The following COBL variants were observed in gnomAD, a reference collection of about 807,000 sequenced individuals.
COBL encodes the protein protein cordon-bleu.
COBL carries 51 observed loss-of-function variants against 98.8 expected under a neutral mutation model. That is an observed-to-expected ratio of 0.52 (90% CI 0.41 to 0.65). The LOEUF (loss-of-function observed/expected upper bound fraction) is 0.65. Among genes scored for constraint, COBL ranks in the 30% least tolerant of loss-of-function variants. The probability of loss-of-function intolerance (pLI) is 0.00; values close to 1 mark genes in which losing one functional copy is unlikely to be tolerated. For synonymous variants in COBL, 634 were observed against 651.7 expected (o/e 0.97, Z 0.41); for missense variants, 1,617 against 1,617.5 (o/e 1.00, Z 0.01).
intron 8 of COBL, among the ~76,000 whole-genome samples, chr7:51,037,830 A>T (rs2128881759): frequency 6.6e-6 from 1 of 152,374 alleles, no homozygotes; most frequent in African/African-American, 2.4e-5. Context: ...TTCAAATTGC[A>T]GCAGCACATA....
intron 8 of COBL, among the ~76,000 whole-genome samples, chr7:51,041,693 A>G (rs1789216286): frequency 6.6e-6 from 1 of 152,018 alleles, no homozygotes; most frequent in Non-Finnish European, 1.5e-5. Context: ...CATGTTGGCC[A>G]GGCAGGTCTT....
chr7:51,211,114 G>A (rs769920634), intron 2 of COBL, among the ~76,000 whole-genome samples: 6 of 152,186 alleles, frequency 3.9e-5, no homozygotes, highest in Non-Finnish European at 8.8e-5. Flanking sequence ...CTGTGCCACT[G>A]GGCCATGGGC....
intron 5 of COBL, among the ~76,000 whole-genome samples, chr7:51,146,789 T>C (rs900405247): frequency 6.6e-6 from 1 of 152,080 alleles, no homozygotes; most frequent in Non-Finnish European, 1.5e-5. Flanking sequence ...ATACGGGATA[T>C]TCCCTCACTT....
intron 7 of COBL, among the ~76,000 whole-genome samples, chr7:51,044,149 T>C (rs1318111822): frequency 6.6e-6 from 1 of 152,234 alleles, no homozygotes; most frequent in Non-Finnish European, 1.5e-5. Context: ...GTGTATTTCA[T>C]ATTTGAAATC....
At chr7:51,168,304 T>TA (rs1787520174) in intron 5 of COBL, among the ~76,000 whole-genome samples, 1 of 151,986 alleles carries the variant, frequency 6.6e-6, no homozygotes, top group Non-Finnish European at 1.5e-5. Context: ...GGCATGCTGG[T>TA]ACATGCCTGT....
intron 2 of COBL, among the ~76,000 whole-genome samples, chr7:51,195,825 G>A (rs1790537058): frequency 6.6e-6 from 1 of 152,146 alleles, no homozygotes; most frequent in Admixed American, 6.5e-5. Context: ...AGGAATGCTA[G>A]GGGTTTTTGT....
chr7:51,285,557 T>C (rs1035101786), intron 1 of COBL, among the ~76,000 whole-genome samples: 3 of 152,208 alleles, frequency 2.0e-5, no homozygotes, highest in Non-Finnish European at 4.4e-5. Flanking sequence ...TATTTAGGTA[T>C]AAGTCTAGTT....
chr7:51,048,151 GC>G (rs2128894068), intron 7 of COBL, among the ~76,000 whole-genome samples: 1 of 152,226 alleles, frequency 6.6e-6, no homozygotes, highest in African/African-American at 2.4e-5. Context: ...GGGCGACAGA[GC>G]AAGACTCCAT....
chr7:51,316,677 G>C lies in COBL; in HGVS notation c.-44C>G. 8.5e-7 allele frequency: 1 copy of C among 1,183,142 alleles called. No homozygotes were observed. Among genetic ancestry groups the C allele is most frequent in the Non-Finnish European group, 1.0e-6 (1 of 954,250 alleles). 73.3% of individuals were successfully genotyped at this position (1,183,142 alleles called of 1,614,324 possible). ...GCGGGCGGTGCTCCGGGCCCGCCGAGTCAGGCGCTGGCTACCGCCGCCACC... is the reference window on the plus strand; with the variant it reads ...GCGGGCGGTGCTCCGGGCCCGCCGACTCAGGCGCTGGCTACCGCCGCCACC... On this transcript the variant is annotated 5_prime_UTR_variant, in exon 1 of 13. Coordinates refer to ENST00000265136, the MANE Select transcript of COBL (RefSeq NM_015198.5).
At chr7:51,171,873 T>C (rs1787904331) in intron 5 of COBL, among the ~76,000 whole-genome samples, 1 of 152,250 alleles carries the variant, frequency 6.6e-6, no homozygotes, top group Admixed American at 6.5e-5. Flanking sequence ...ATATAAACTT[T>C]CTTACTGATA....
chr7:51,145,007 T>A (rs1447439521), intron 5 of COBL, among the ~76,000 whole-genome samples: 1 of 152,240 alleles, frequency 6.6e-6, no homozygotes, highest in African/African-American at 2.4e-5. Context: ...TGTGTACTAT[T>A]CACTTGTTTT....
intron 1 of COBL, among the ~76,000 whole-genome samples, chr7:51,227,366 G>A (rs111314429): frequency 3.3e-5 from 5 of 152,282 alleles, no homozygotes; most frequent in African/African-American, 9.6e-5. Context: ...ATGGAAGGAC[G>A]TGCCCCGGCA....
chr7:51,283,065 T>C (rs572623934), intron 1 of COBL, among the ~76,000 whole-genome samples: 3 of 152,250 alleles, frequency 2.0e-5, no homozygotes, highest in South Asian at 4.1e-4. Flanking sequence ...ACTGCGTATA[T>C]AAGAGAGGAA....
chr7:51,030,938 T>TG, intron 8 of COBL, 29 bp from the exon 9 acceptor site: 1 of 1,371,536 alleles, frequency 7.3e-7, no homozygotes, highest in Non-Finnish European at 1.0e-6. Flanking sequence ...AAAGGAGCAC[T>TG]CATTTCTCTT....
intron 5 of COBL, among the ~76,000 whole-genome samples, chr7:51,182,351 A>G (rs983217024): frequency 2.0e-5 from 3 of 150,040 alleles, no homozygotes; most frequent in Non-Finnish European, 4.4e-5. Context: ...GCATGTTCTC[A>G]TCTCACTGCA....
intron 5 of COBL, among the ~76,000 whole-genome samples, chr7:51,151,090 A>T (rs913617084): frequency 3.3e-5 from 5 of 152,142 alleles, no homozygotes; most frequent in African/African-American, 1.2e-4. Flanking sequence ...GCAGACAAAA[A>T]CACAGCTCTT....
intron 2 of COBL, among the ~76,000 whole-genome samples, chr7:51,208,528 C>T (rs1792054325): frequency 6.6e-6 from 1 of 152,050 alleles, no homozygotes; most frequent in South Asian, 2.1e-4. Flanking sequence ...GTGAGGAGCC[C>T]CTCTGCCCGG....
intron 1 of COBL, among the ~76,000 whole-genome samples, chr7:51,239,371 C>A (rs1408341790): frequency 1.3e-5 from 2 of 152,202 alleles, no homozygotes; most frequent in African/African-American, 4.8e-5. Context: ...CCCACCAGCA[C>A]CATGACAGTT....
chr7:51,073,557 G>A (rs1792772479), intron 7 of COBL, among the ~76,000 whole-genome samples: 1 of 152,114 alleles, frequency 6.6e-6, no homozygotes, highest in South Asian at 2.1e-4. Context: ...CTTTTTGTAT[G>A]CCAGCTGTGG....
Sources: gnomAD v4.1 joint callset for allele counts (sites outside exome capture counted in the v4.1 genomes callset) on GRCh38, gnomAD v4.1.1 for gene constraint, MANE v1.5 for transcripts, NCBI Gene and HGNC (gene_info 2026-07-23, HGNC 2026-07-21) for gene names.